The following PCDH15 variants were observed in gnomAD, a reference collection of about 807,000 sequenced individuals.
The protein encoded by PCDH15 is protocadherin related 15, also known as protocadherin-15.
A neutral mutation model predicts 178.5 loss-of-function variants in PCDH15; 129 were observed. The observed-to-expected ratio is 0.72, with a 90% CI of 0.63 to 0.84. The LOEUF is 0.84. PCDH15 is among the 40% of genes least tolerant of loss of function. The probability of loss-of-function intolerance (pLI) is 0.00; values close to 1 mark genes in which losing one functional copy is unlikely to be tolerated. For missense variants in PCDH15, 2,230 were observed against 2,099.9 expected, an observed-to-expected ratio of 1.06 and a Z score of -1.21; for synonymous variants, 800 against 732.0, an observed-to-expected ratio of 1.09 and a Z score of -1.50.
intron 1 of PCDH15, among the ~76,000 whole-genome samples, chr10:55,241,131 G>A (rs372821739): frequency 6.6e-5 from 10 of 152,196 alleles, no homozygotes; most frequent in Admixed American, 4.6e-4. Flanking sequence ...CAGGAGAATC[G>A]CTTGCACCCG....
chr10:54,773,174 T>C (rs1173360782), intron 1 of PCDH15, among the ~76,000 whole-genome samples: 1 of 152,044 alleles, frequency 6.6e-6, no homozygotes, highest in Non-Finnish European at 1.5e-5. Context: ...ATGGTATGCA[T>C]CTCTGCAGCA....
chr10:55,196,802 TACTC>T (rs1840104778), intron 1 of PCDH15, among the ~76,000 whole-genome samples: 1 of 151,990 alleles, frequency 6.6e-6, no homozygotes, highest in Admixed American at 6.6e-5. Flanking sequence ...TTTTCAGTCT[TACTC>T]ACGATGAATT....
intron 2 of PCDH15, among the ~76,000 whole-genome samples, chr10:54,977,833 T>C (rs1839113819): frequency 6.6e-6 from 1 of 152,180 alleles, no homozygotes; most frequent in Non-Finnish European, 1.5e-5. Context: ...ATTCACAACA[T>C]TGTATTTATC....
chr10:55,028,730 C>T (rs1840536830), intron 2 of PCDH15, among the ~76,000 whole-genome samples: 1 of 151,922 alleles, frequency 6.6e-6, no homozygotes, highest in African/African-American at 2.4e-5. Flanking sequence ...GCAAATTATA[C>T]AGATTCTCTG....
chr10:55,159,902 G>A (rs1267753565), intron 2 of PCDH15, among the ~76,000 whole-genome samples: 1 of 150,720 alleles, frequency 6.6e-6, no homozygotes, highest in Non-Finnish European at 1.5e-5. Flanking sequence ...ATTTATTAAG[G>A]TGAAAAATAA....
chr10:53,885,179 T>A (rs903327684), intron 26 of PCDH15, among the ~76,000 whole-genome samples: 1 of 152,084 alleles, frequency 6.6e-6, no homozygotes, highest in Non-Finnish European at 1.5e-5. Flanking sequence ...TGCTGGCCTT[T>A]CCCAGGCTGG....
At chr10:55,133,396 ACTGG>A (rs1314225195) in intron 2 of PCDH15, among the ~76,000 whole-genome samples, 1 of 152,022 alleles carries the variant, frequency 6.6e-6, no homozygotes, top group Admixed American at 6.6e-5. Context: ...CTTCAATCTA[ACTGG>A]CCACTCCTTC....
chr10:53,940,832 T>G (rs376604538), intron 24 of PCDH15, 34 bp downstream of exon 24: 9 of 1,442,434 alleles, frequency 6.2e-6, no homozygotes, highest in Non-Finnish European at 8.8e-6. Context: ...GTTTACTGGT[T>G]GATGGTGAGA....
chr10:54,746,033 ATTC>A (rs1945418004), intron 1 of PCDH15, among the ~76,000 whole-genome samples: 1 of 152,170 alleles, frequency 6.6e-6, no homozygotes, highest in Non-Finnish European at 1.5e-5. Flanking sequence ...TTCATAAATA[ATTC>A]TTATTTTCCA....
intron 1 of PCDH15, among the ~76,000 whole-genome samples, chr10:55,225,406 A>AT (rs1841002966): frequency 1.3e-5 from 2 of 152,094 alleles, no homozygotes; most frequent in Admixed American, 6.5e-5. Context: ...TTAGAGCAAG[A>AT]TAGACTAGAG....
chr10:55,195,109 T>C (rs1285487388), intron 1 of PCDH15, among the ~76,000 whole-genome samples: 1 of 150,964 alleles, frequency 6.6e-6, no homozygotes, highest in Non-Finnish European at 1.5e-5. Flanking sequence ...CTGCAACCTC[T>C]GCCTCCCGAG....
At chr10:54,082,764 A>T (rs886083632) in intron 16 of PCDH15, among the ~76,000 whole-genome samples, 1 of 99,804 alleles carries the variant, frequency 1.0e-5, no homozygotes, top group Non-Finnish European at 1.8e-5. Flanking sequence ...TCAAAATAAA[A>T]AAAAAAAAAC....
intron 15 of PCDH15, among the ~76,000 whole-genome samples, chr10:54,108,920 A>G (rs567997710): frequency 1.1e-4 from 17 of 152,248 alleles, no homozygotes; most frequent in Admixed American, 3.3e-4. Context: ...GAAGAGAAGA[A>G]CCCAGTCCTG....
chr10:53,813,582 T>C (rs1331469885), intron 35 of PCDH15, among the ~76,000 whole-genome samples: 1 of 152,210 alleles, frequency 6.6e-6, no homozygotes, highest in African/African-American at 2.4e-5. Flanking sequence ...TAACCATTTC[T>C]TCTTTCACAG....
intron 2 of PCDH15, among the ~76,000 whole-genome samples, chr10:55,426,120 A>G (rs13376972): frequency 0.22 from 33,597 of 152,100 alleles, 3,927 homozygotes; most frequent in African/African-American, 0.3. Context: ...GGGGAATAAG[A>G]ACTACTTCAA....
At chr10:54,366,613 A>C (rs954266542) in intron 5 of PCDH15, among the ~76,000 whole-genome samples, 7 of 152,066 alleles carry the variant, frequency 4.6e-5, no homozygotes, top group Non-Finnish European at 7.4e-5. Context: ...CATTGGACTA[A>C]ACTAAGTACT....
At chr10:55,076,425 G>A (rs1564775782) in intron 2 of PCDH15, among the ~76,000 whole-genome samples, 1 of 146,252 alleles carries the variant, frequency 6.8e-6, no homozygotes, top group Admixed American at 6.8e-5. Context: ...ATATCCTCTT[G>A]CTGTGTTTTT....
rs67020951 is a variant in PCDH15 at position 55,378,877 on chromosome 10, A to ATCTCTCTCTCTC, written c.-155-212238_-155-212227dup. 9.7e-3 allele frequency among the ~76,000 whole-genome samples: 1,209 copies of ATCTCTCTCTCTC among 124,134 alleles called. 14 individuals are homozygous for ATCTCTCTCTCTC. The highest frequency in any genetic ancestry group is 0.024 in the African/African-American group (829 of 34,466). The allele number at this position is 124,134 out of a possible 152,430, so 81.4% of individuals were successfully genotyped here. On this transcript the variant is annotated intron_variant, in intron 2 of 5. Transcript: ENST00000613346. ...TTCCTTTCTTTGTGTAACTCTCCCC[A>ATCTCTCTCTCTC]TCTCTCTCTCTCTCTCTCTCTCTCT... is the stretch of plus-strand genomic sequence containing the variant.
intron 5 of PCDH15, among the ~76,000 whole-genome samples, chr10:54,358,576 GT>G (rs1452728452): frequency 6.6e-6 from 1 of 151,650 alleles, no homozygotes; most frequent in Non-Finnish European, 1.5e-5. Context: ...CTGTAAACTA[GT>G]TCAACCATTG....
Sources: gnomAD v4.1 joint callset for allele counts (sites outside exome capture counted in the v4.1 genomes callset) on GRCh38, gnomAD v4.1.1 for gene constraint, MANE v1.5 for transcripts, NCBI Gene and HGNC (gene_info 2026-07-23, HGNC 2026-07-21) for gene names.